Variants in ZNF804B observed in about 807,000 individuals in gnomAD.
The protein encoded by ZNF804B is zinc finger protein 804B, also known as zinc finger 804B.
ZNF804B carries 80 observed loss-of-function variants against 101.4 expected under a neutral mutation model. That is an observed-to-expected ratio of 0.79 (90% CI 0.66 to 0.95). The LOEUF is 0.95. ZNF804B is among the 40% of genes least tolerant of loss of function. ZNF804B has a pLI of 0.00. For missense variants in ZNF804B, 1,673 were observed against 1,561.9 expected, an observed-to-expected ratio of 1.07 and a Z score of -1.20; for synonymous variants, 622 against 558.8, an observed-to-expected ratio of 1.11 and a Z score of -1.59.
chr7:88,871,800 C>T (rs1336648715), intron 1 of ZNF804B, among the ~76,000 whole-genome samples: 1 of 151,940 alleles, frequency 6.6e-6, no homozygotes, highest in Admixed American at 6.6e-5. Context: ...TCCATCTCAA[C>T]TATAAAAAAA....
intron 2 of ZNF804B, among the ~76,000 whole-genome samples, chr7:89,270,935 G>A (rs972637623): frequency 3.9e-5 from 6 of 152,206 alleles, no homozygotes; most frequent in Non-Finnish European, 7.3e-5. Context: ...AGACTTTGCT[G>A]AAGTTGCTTG....
intron 2 of ZNF804B, among the ~76,000 whole-genome samples, chr7:89,282,159 C>A (rs1429236115): frequency 6.7e-6 from 1 of 148,202 alleles, no homozygotes; most frequent in African/African-American, 2.5e-5. Flanking sequence ...CGAGATCCCG[C>A]CACTGCACTC....
At chr7:89,021,541 G>C (rs1788668128) in intron 1 of ZNF804B, among the ~76,000 whole-genome samples, 2 of 152,166 alleles carry the variant, frequency 1.3e-5, no homozygotes, top group Admixed American at 1.3e-4. Context: ...ATGCCAAACT[G>C]TTTGTCACAC....
chr7:89,105,766 A>T (rs1191007368), intron 1 of ZNF804B, among the ~76,000 whole-genome samples: 3 of 152,136 alleles, frequency 2.0e-5, no homozygotes. Context: ...GTCCCCAAGG[A>T]TACCTCTGAC....
chr7:89,193,612 T>G (rs1386626722), intron 1 of ZNF804B, among the ~76,000 whole-genome samples: 1 of 152,064 alleles, frequency 6.6e-6, no homozygotes, highest in African/African-American at 2.4e-5. Flanking sequence ...GGTTTCCAGC[T>G]TCATCCATGT....
rs1004604264 is a variant in ZNF804B at position 89,258,401 on chromosome 7, T to A, written c.249+40106T>A. On this transcript the variant is annotated intron_variant, in intron 2 of 3. Coordinates refer to ENST00000333190, the MANE Select transcript of ZNF804B (RefSeq NM_181646.5). ...AATAATGAAAATTTAACTGTGTCAG[T>A]GTGGCTATGTGTAATAATAGCATGG... Among the ~76,000 whole-genome samples the A allele has an allele frequency of 3.3e-5, 5 of 152,252 alleles. No individual in the cohort carries two copies. In the East Asian group the frequency reaches 9.7e-4, roughly 29 times the overall value.
chr7:89,096,761 ATTATGTG>A (rs774504258), intron 1 of ZNF804B, among the ~76,000 whole-genome samples: 42 of 152,126 alleles, frequency 2.8e-4, no homozygotes, highest in Non-Finnish European at 4.7e-4. Flanking sequence ...AGTAATTTTC[ATTATGTG>A]TTGTTTTTTC....
chr7:88,967,110 G>A (rs1241397733), intron 1 of ZNF804B, among the ~76,000 whole-genome samples: 1 of 151,288 alleles, frequency 6.6e-6, no homozygotes, highest in Non-Finnish European at 1.5e-5. Flanking sequence ...TTCAGTTTTT[G>A]ATAGTATAAA....
At chr7:88,766,092 G>C (rs775368068) in intron 1 of ZNF804B, among the ~76,000 whole-genome samples, 1 of 152,086 alleles carries the variant, frequency 6.6e-6, no homozygotes, top group Non-Finnish European at 1.5e-5. Context: ...TGAAGCCAGA[G>C]CTTGAAGCCA....
chr7:89,038,309 C>T (rs1288647941), intron 1 of ZNF804B, among the ~76,000 whole-genome samples: 1 of 152,074 alleles, frequency 6.6e-6, no homozygotes, highest in African/African-American at 2.4e-5. Flanking sequence ...CCCTTCTCTC[C>T]ACATCCTTGC....
intron 1 of ZNF804B, among the ~76,000 whole-genome samples, chr7:89,207,400 C>G (rs1322631070): frequency 1.4e-4 from 22 of 152,096 alleles, no homozygotes; most frequent in Admixed American, 1.4e-3. Context: ...GGGGAACTCC[C>G]TTTTATAAAA....
intron 1 of ZNF804B, among the ~76,000 whole-genome samples, chr7:88,792,455 T>A (rs1312101135): frequency 4.6e-5 from 7 of 152,108 alleles, no homozygotes; most frequent in African/African-American, 1.7e-4. Context: ...CCAATAAACA[T>A]TTATTATCCA....
Position 89,188,990 on chromosome 7 carries a change from A to G in ZNF804B, c.109-29165A>G, listed in dbSNP as rs548074230. Among the ~76,000 whole-genome samples, 21 of 152,282 alleles carry G rather than the reference A, an allele frequency of 1.4e-4. 1 individual carries two copies. The highest frequency in any genetic ancestry group is 4.1e-4 in the African/African-American group (17 of 41,580). On this transcript the variant is annotated intron_variant, in intron 1 of 3. Transcript: ENST00000333190. ...GGCTATACCAGGCAACCGGTTTTCA[A>G]TGGCAGATGAAAGAGGCTTCTATTG...
rs1562899797 is a variant in ZNF804B at position 89,156,072 on chromosome 7, C to CCT, written c.109-62083_109-62082insCT. On this transcript the variant is annotated intron_variant, in intron 1 of 3. Transcript: ENST00000333190. The stretch of plus-strand genomic sequence containing the variant: ...TCTTTCTTTCTTTCTTTCTTTCTTT[C>CCT]TCTCTTTCTCTCTTTCCTTTCTTTC... Among the ~76,000 whole-genome samples, 58 of 46,608 alleles carry CCT rather than the reference C, an allele frequency of 1.2e-3. 1 individual carries two copies. The highest frequency in any genetic ancestry group is 1.9e-3 in the Non-Finnish European group (33 of 17,140). The allele number at this position is 46,608 out of a possible 152,430, so 30.6% of individuals were successfully genotyped here.
chr7:89,319,164 G>T (rs1267704843), intron 2 of ZNF804B, among the ~76,000 whole-genome samples: 3 of 152,104 alleles, frequency 2.0e-5, no homozygotes, highest in Non-Finnish European at 4.4e-5. Flanking sequence ...GGGCCATTAT[G>T]GACAGGCTAT....
chr7:89,079,277 T>C (rs773541011), intron 1 of ZNF804B, among the ~76,000 whole-genome samples: 1 of 152,074 alleles, frequency 6.6e-6, no homozygotes, highest in Non-Finnish European at 1.5e-5. Flanking sequence ...CATTTTTTTT[T>C]CTACCCAGGG....
chr7:89,011,171 T>G (rs868322626), intron 1 of ZNF804B, among the ~76,000 whole-genome samples: 2 of 152,260 alleles, frequency 1.3e-5, no homozygotes, highest in Middle Eastern at 3.4e-3. Context: ...TGTCAGACAC[T>G]TATAGAACTA....
intron 1 of ZNF804B, among the ~76,000 whole-genome samples, chr7:88,823,565 C>T (rs991014905): frequency 6.6e-6 from 1 of 151,940 alleles, no homozygotes; most frequent in African/African-American, 2.4e-5. Context: ...AGAATCAGGG[C>T]ATAGATGGTG....
intron 1 of ZNF804B, among the ~76,000 whole-genome samples, chr7:88,898,933 T>C (rs1792348301): frequency 6.6e-6 from 1 of 152,178 alleles, no homozygotes; most frequent in Non-Finnish European, 1.5e-5. Context: ...CGGTGGGTCC[T>C]GAATGGTCAC....
Sources: gnomAD v4.1 joint callset for allele counts (sites outside exome capture counted in the v4.1 genomes callset) on GRCh38, gnomAD v4.1.1 for gene constraint, MANE v1.5 for transcripts, NCBI Gene and HGNC (gene_info 2026-07-23, HGNC 2026-07-21) for gene names.